The following ATP10B variants were observed in gnomAD, a reference collection of about 807,000 sequenced individuals.
ATP10B encodes ATPase phospholipid transporting 10B (putative).
Under a neutral mutation model 141.2 loss-of-function variants are expected in ATP10B, and 122 were observed. The ratio of observed to expected loss-of-function variants is 0.86; its 90% confidence interval spans 0.75 to 1.00. ATP10B has a LOEUF of 1.00. Among genes scored for constraint, ATP10B ranks in the 50% least tolerant of loss-of-function variants. The probability of loss-of-function intolerance (pLI) is 0.00; values close to 1 mark genes in which losing one functional copy is unlikely to be tolerated. For missense variants in ATP10B, 1,876 were observed against 1,825.3 expected (o/e 1.03, Z -0.51); for synonymous variants, 685 against 692.0 (o/e 0.99, Z 0.16).
intron 24 of ATP10B, among the ~76,000 whole-genome samples, chr5:160,583,936 TCA>T (rs1755714975): frequency 6.6e-6 from 1 of 152,274 alleles, no homozygotes; most frequent in South Asian, 2.1e-4. Context: ...AGTGAGAATT[TCA>T]AGCCAGTGGA....
At chr5:160,923,759 C>G in the ATP10B span, among the ~76,000 whole-genome samples, 1 of 152,210 alleles carries the variant, frequency 6.6e-6, no homozygotes. Flanking sequence ...ACAGGATACA[C>G]AAGCTAGTCC....
At chr5:160,578,761 G>A (rs1251899123) in intron 24 of ATP10B, among the ~76,000 whole-genome samples, 5 of 152,126 alleles carry the variant, frequency 3.3e-5, no homozygotes, top group Non-Finnish European at 7.4e-5. Flanking sequence ...TTGAGGAATC[G>A]CCACACTGTC....
At position 160,648,040 on chromosome 5, in the gene ATP10B, G is replaced by A. The variant is rs181358988; in HGVS notation, c.761+1131C>T. ...ATGTACGGCTATGGAAAGCACACTG[G>A]GGTTGGAGTCAAAAGACCCCCATAT... On this transcript the variant is annotated intron_variant, in intron 8 of 25. Transcript: ENST00000327245. Among the ~76,000 whole-genome samples, 472 of 152,266 alleles carry A rather than the reference G, an allele frequency of 3.1e-3. 1 individual carries two copies. Among genetic ancestry groups the A allele is most frequent in the Non-Finnish European group, 3.8e-3 (261 of 68,028 alleles).
chr5:160,615,982 G>C lies in ATP10B; in HGVS notation c.2527-18C>G, dbSNP rs145223150. ...CTTACAACCTATGGGATGGGAAAAGGCTCCTTAACAATCTTGGGTGGACCA... is the reference window on the plus strand; with the variant it reads ...CTTACAACCTATGGGATGGGAAAAGCCTCCTTAACAATCTTGGGTGGACCA... On this transcript the variant is annotated intron_variant, in intron 16 of 25. Coordinates refer to ENST00000327245, the MANE Select transcript of ATP10B (RefSeq NM_025153.3). 2 of 1,606,032 alleles carry C rather than the reference G, an allele frequency of 1.2e-6. No homozygotes were observed. The highest frequency in any genetic ancestry group is 1.7e-6 in the Non-Finnish European group (2 of 1,173,676).
At chr5:160,813,663 C>G (rs1773342693) in intron 1 of ATP10B, among the ~76,000 whole-genome samples, 1 of 152,232 alleles carries the variant, frequency 6.6e-6, no homozygotes, top group Non-Finnish European at 1.5e-5. Flanking sequence ...AGCTGGAGAT[C>G]TGAGAACGGA....
At chr5:160,834,917 C>T (rs1775323829) in intron 1 of ATP10B, among the ~76,000 whole-genome samples, 1 of 152,076 alleles carries the variant, frequency 6.6e-6, no homozygotes. Context: ...ACCCCTTGAC[C>T]AGATGTTTAT....
intron 2 of ATP10B, among the ~76,000 whole-genome samples, chr5:160,768,819 G>C (rs759423844): frequency 5.9e-5 from 9 of 152,146 alleles, no homozygotes; most frequent in East Asian, 1.9e-4. Flanking sequence ...TTGGCCTACT[G>C]TTTCTCTTTT....
At chr5:160,846,750 CAAG>C (rs1776146938) in intron 1 of ATP10B, among the ~76,000 whole-genome samples, 1 of 152,144 alleles carries the variant, frequency 6.6e-6, no homozygotes, top group African/African-American at 2.4e-5. Flanking sequence ...ATAACAATGT[CAAG>C]TGTTTTTAAG....
At chr5:160,681,032 G>A (rs550417191) in intron 6 of ATP10B, among the ~76,000 whole-genome samples, 1 of 152,338 alleles carries the variant, frequency 6.6e-6, no homozygotes, top group South Asian at 2.1e-4. Context: ...AAAAGGATTG[G>A]TGAGAGCTGG....
At chr5:160,744,373 T>C (rs72818578) in intron 2 of ATP10B, among the ~76,000 whole-genome samples, 10,726 of 152,186 alleles carry the variant, frequency 0.07, 366 homozygotes, top group Middle Eastern at 0.085. Flanking sequence ...CTCTCTCCCT[T>C]TCCCGGAGAC....
chr5:160,605,805 T>G (rs962173917), intron 19 of ATP10B, among the ~76,000 whole-genome samples: 2 of 152,214 alleles, frequency 1.3e-5, no homozygotes, highest in African/African-American at 4.8e-5. Context: ...TGGTATGTGC[T>G]GGGCAGGGGA....
At chr5:160,783,133 C>T (rs552653335) in intron 2 of ATP10B, among the ~76,000 whole-genome samples, 22 of 150,224 alleles carry the variant, frequency 1.5e-4, no homozygotes, top group East Asian at 1.2e-3. Context: ...AAGCAGTATA[C>T]GCTGCACCAT....
chr5:160,834,183 G>A (rs1045096611), intron 1 of ATP10B, among the ~76,000 whole-genome samples: 1 of 152,054 alleles, frequency 6.6e-6, no homozygotes, highest in Non-Finnish European at 1.5e-5. Flanking sequence ...AAATTAGCCA[G>A]GTGTGGTGGT....
At chr5:160,581,634 G>A (rs895879540) in intron 24 of ATP10B, among the ~76,000 whole-genome samples, 15 of 152,206 alleles carry the variant, frequency 9.9e-5, no homozygotes, top group Non-Finnish European at 1.9e-4. Flanking sequence ...TGTTGATTTG[G>A]GGTGTAGAGT....
At chr5:160,752,359 C>A (rs182030572) in intron 2 of ATP10B, among the ~76,000 whole-genome samples, 1 of 152,202 alleles carries the variant, frequency 6.6e-6, no homozygotes, top group Non-Finnish European at 1.5e-5. Flanking sequence ...CAGCTTGTGA[C>A]AGGCTTAATG....
chr5:160,663,428 G>A (rs1762081148), intron 7 of ATP10B, among the ~76,000 whole-genome samples: 2 of 152,162 alleles, frequency 1.3e-5, no homozygotes, highest in South Asian at 4.1e-4. Context: ...AGAAAATGTG[G>A]CACATATACA....
rs187046806 is a variant in ATP10B at position 160,830,242 on chromosome 5, T to C, written c.-576+21699A>G. ...CTGTTTATGTGGTGAATCATATTTA[T>C]TGATTTATATATGTTGAATCAAATT... On this transcript the variant is annotated intron_variant, in intron 1 of 25. Coordinates refer to ENST00000327245, the MANE Select transcript of ATP10B (RefSeq NM_025153.3). Among the ~76,000 whole-genome samples, 559 of 152,272 alleles carry C rather than the reference T, an allele frequency of 3.7e-3. 2 individuals carry two copies. Among genetic ancestry groups the C allele is most frequent in the Admixed American group, 7.9e-3 (120 of 15,276 alleles).
In ATP10B at chr5:160,673,837, T is replaced by G. The variant is rs1043116170; in HGVS notation, c.471-3170A>C. 1.2e-3 allele frequency among the ~76,000 whole-genome samples: 180 copies of G among 152,328 alleles called. 1 individual carries two copies. Among genetic ancestry groups the G allele is most frequent in the African/African-American group, 4.2e-3 (175 of 41,576 alleles). Reference sequence around the variant, plus strand: ...GTTAAATATCCAAGTATAAGGCTACTTACAGGCATTGGAATGGTCCATACT... The same window carrying G: ...GTTAAATATCCAAGTATAAGGCTACGTACAGGCATTGGAATGGTCCATACT... On this transcript the variant is annotated intron_variant, in intron 6 of 25. Transcript: ENST00000327245.
intron 2 of ATP10B, among the ~76,000 whole-genome samples, chr5:160,777,089 G>C (rs920303584): frequency 6.6e-6 from 1 of 152,152 alleles, no homozygotes; most frequent in African/African-American, 2.4e-5. Context: ...AGAGGGATAG[G>C]ATCTTTGAGG....
Sources: allele counts gnomAD v4.1 joint callset (sites outside exome capture counted in the v4.1 genomes callset), GRCh38; gene constraint gnomAD v4.1.1; transcripts MANE v1.5; gene names NCBI Gene and HGNC (gene_info 2026-07-23, HGNC 2026-07-21).